The following ADGRB1 variants were observed in gnomAD, a reference collection of about 807,000 sequenced individuals.
ADGRB1 encodes adhesion G protein-coupled receptor B1.
Under a neutral mutation model 175.7 loss-of-function variants are expected in ADGRB1, and 36 were observed. That is an observed-to-expected ratio of 0.20 (90% CI 0.16 to 0.27). ADGRB1 has a LOEUF of 0.27. ADGRB1 is among the 10% of genes least tolerant of loss of function. ADGRB1 has a pLI of 1.00. For synonymous variants in ADGRB1, 1,054 were observed against 979.4 expected (o/e 1.08, Z -1.42); for missense variants, 1,731 against 2,255.3 (o/e 0.77, Z 4.71).
chr8:142,501,996 T>C (rs887501347), intron 17 of ADGRB1, among the ~76,000 whole-genome samples: 15 of 143,576 alleles, frequency 1.0e-4, no homozygotes, highest in South Asian at 9.0e-4. Context: ...GTGGTGATGA[T>C]GGGATGGTGA....
chr8:142,467,907 C>T (rs936096730), intron 2 of ADGRB1, among the ~76,000 whole-genome samples: 29 of 152,196 alleles, frequency 1.9e-4, no homozygotes, highest in African/African-American at 6.8e-4. Context: ...AATATGCTCG[C>T]GTATTCTTAG....
chr8:142,529,356 G>A (rs187330213), intron 24 of ADGRB1, among the ~76,000 whole-genome samples: 53 of 152,228 alleles, frequency 3.5e-4, no homozygotes, highest in Admixed American at 1.7e-3. Flanking sequence ...GTGTGTGTGT[G>A]CCCATGTGAG....
At position 142,477,148 on chromosome 8, in the gene ADGRB1, C is replaced by T; in HGVS notation, c.1092C>T (p.Ser364=). The T allele has an allele frequency of 2.5e-6, 4 of 1,590,274 alleles. No homozygotes were observed. Among genetic ancestry groups the T allele is most frequent in the Non-Finnish European group, 3.4e-6 (4 of 1,175,378 alleles). ...DPAAEEWSPW[S]VCSSTCGEGW... is the part of the protein sequence containing the mutation. ...CAGCCGAGGAGTGGTCCCCGTGGAG[C>T]GTGTGCTCCAGCACCTGCGGCGAGG... Residue 364 remains serine (S), a synonymous_variant, in exon 5 of 31, where the codon AGC becomes AGT. Transcript: ENST00000517894.
At position 142,542,510 on chromosome 8, in the gene ADGRB1, C is replaced by G. The variant is rs1365845920; in HGVS notation, c.4276C>G (p.Leu1426Val). 6.9e-7 allele frequency: 1 copy of G among 1,445,550 alleles called. No individual in the cohort carries two copies. Among genetic ancestry groups the G allele is most frequent in the African/African-American group, 1.5e-5 (1 of 66,810 alleles). The allele number at this position is 1,445,550 out of a possible 1,614,324, so 89.5% of individuals were successfully genotyped here. A position where few individuals can be genotyped will look rare whatever the true frequency, so the allele number is the denominator to read the frequency against. ...PPPPPPPQQP[L>V]PPPPNLEPAP... ...ACCGCCACCACCTCCCCAGCAGCCC[C>G]TGCCCCCACCGCCCAATCTGGAGCC... The change falls in exon 28 of 31, where the codon CTG becomes GTG. Residue 1426 changes from leucine to valine, a missense_variant. Transcript: ENST00000517894. The surrounding 1 kb of genome is among the most constrained non-coding windows in gnomAD (Gnocchi z 6.3).
At chr8:142,516,042 T>C (rs1041354604) in intron 18 of ADGRB1, among the ~76,000 whole-genome samples, 1 of 152,204 alleles carries the variant, frequency 6.6e-6, no homozygotes, top group Admixed American at 6.5e-5. Flanking sequence ...GCGACTCTTG[T>C]TCCAGGGAGG....
chr8:142,519,535 G>T (rs1484434781), intron 19 of ADGRB1, among the ~76,000 whole-genome samples: 2 of 150,946 alleles, frequency 1.3e-5, no homozygotes, highest in South Asian at 4.2e-4. Flanking sequence ...GTGATGGTGG[G>T]GGTGGTGCTG....
chr8:142,489,015 G>A lies in ADGRB1; in HGVS notation c.2453-20G>A, dbSNP rs1356633612. ...GCTGTGGGGATGGCGGGCCGGGGTT[G>A]ACAGTGCACTTTCTTCCAGAGGCCG... On this transcript the variant is annotated intron_variant, in intron 14 of 30. Transcript: ENST00000517894. The A allele has an allele frequency of 6.2e-7, 1 of 1,609,668 alleles. No individual in the cohort carries two copies. Among genetic ancestry groups the A allele is most frequent in the Admixed American group, 1.7e-5 (1 of 59,664 alleles).
At chr8:142,518,888 G>A (rs548649422) in intron 19 of ADGRB1, among the ~76,000 whole-genome samples, 15 of 152,344 alleles carry the variant, frequency 9.8e-5, no homozygotes, top group African/African-American at 3.4e-4. Flanking sequence ...GACTCCCAAC[G>A]TGTCCAGAGG....
chr8:142,463,809 G>T (rs1189533335), intron 1 of ADGRB1, among the ~76,000 whole-genome samples, 171 bp from the exon 2 acceptor site: 1 of 152,242 alleles, frequency 6.6e-6, no homozygotes, highest in Non-Finnish European at 1.5e-5. Context: ...AGACAGACAG[G>T]TGGACGGAGC....
intron 17 of ADGRB1, among the ~76,000 whole-genome samples, chr8:142,505,606 T>C (rs2132006480): frequency 6.6e-6 from 1 of 152,198 alleles, no homozygotes; most frequent in African/African-American, 2.4e-5. Flanking sequence ...GACGGGACTG[T>C]GGCAGAGGAG....
intron 17 of ADGRB1, among the ~76,000 whole-genome samples, chr8:142,494,879 G>GC (rs113601809): frequency 0.01 from 1,541 of 152,150 alleles, 29 homozygotes; most frequent in African/African-American, 0.035. Context: ...GGGGAGCAAA[G>GC]CGGGGGGTGG....
chr8:142,462,034 G>A (rs947499881), intron 1 of ADGRB1, among the ~76,000 whole-genome samples: 1 of 152,144 alleles, frequency 6.6e-6, no homozygotes, highest in Non-Finnish European at 1.5e-5. Flanking sequence ...GGACAGCCCG[G>A]CTTTTCCATG....
intron 2 of ADGRB1, among the ~76,000 whole-genome samples, chr8:142,468,463 G>A (rs1213876313): frequency 1.3e-5 from 2 of 152,176 alleles, no homozygotes; most frequent in African/African-American, 2.4e-5. Context: ...CGTCTCCTAG[G>A]CCCAGAGACA....
intron 21 of ADGRB1, 82 bp downstream of exon 21, chr8:142,522,197 C>A (rs1438699486): frequency 7.8e-6 from 12 of 1,540,414 alleles, no homozygotes; most frequent in Non-Finnish European, 1.0e-5. Context: ...CCCCTCCTCT[C>A]CCCATCCCCT....
intron 17 of ADGRB1, among the ~76,000 whole-genome samples, chr8:142,494,109 C>T (rs781482514): frequency 9.7e-4 from 147 of 152,234 alleles, no homozygotes; most frequent in Non-Finnish European, 1.5e-3. Context: ...GGAGTGAGAG[C>T]CATCAGTCAC....
At position 142,492,775 on chromosome 8, in the gene ADGRB1, C is replaced by A. The variant is rs922872263; in HGVS notation, c.2675+1960C>A. ...AAAGAAAATGCAAGAAGAAAGCCCC[C>A]CTGCTTGCATGACCCAGGCCCACCC... On this transcript the variant is annotated intron_variant, in intron 17 of 30. Transcript: ENST00000517894. The surrounding 1 kb of genome is among the most constrained non-coding windows in gnomAD (Gnocchi z 4.4). Among the ~76,000 whole-genome samples the A allele has an allele frequency of 1.3e-5, 2 of 152,152 alleles. No homozygotes were observed. Among genetic ancestry groups the A allele is most frequent in the East Asian group, 1.9e-4 (1 of 5,170 alleles).
intron 17 of ADGRB1, among the ~76,000 whole-genome samples, chr8:142,497,520 G>C (rs535350822): frequency 6.6e-6 from 1 of 152,142 alleles, no homozygotes; most frequent in Non-Finnish European, 1.5e-5. Context: ...GGGAGGGGAC[G>C]CACCCAACAC....
At chr8:142,472,600 G>C (rs1840732626) in intron 2 of ADGRB1, among the ~76,000 whole-genome samples, 1 of 152,192 alleles carries the variant, frequency 6.6e-6, no homozygotes. Context: ...CATTTACTGA[G>C]TGTCAGCTAA....
chr8:142,524,084 G>A (rs1450068364), intron 22 of ADGRB1, among the ~76,000 whole-genome samples, 154 bp from the exon 23 acceptor site: 1 of 152,156 alleles, frequency 6.6e-6, no homozygotes, highest in African/African-American at 2.4e-5. Context: ...AGGCTAAAGA[G>A]TGGGTGTGAC....
Sources: allele counts gnomAD v4.1 joint callset (sites outside exome capture counted in the v4.1 genomes callset), GRCh38; gene constraint gnomAD v4.1.1; non-coding constraint Gnocchi (gnomAD v3.1); transcripts MANE v1.5; gene names NCBI Gene and HGNC (gene_info 2026-07-23, HGNC 2026-07-21).